Variants in HNRNPUL2 observed in about 807,000 individuals in gnomAD.
HNRNPUL2 encodes heterogeneous nuclear ribonucleoprotein U like 2, also known as heterogeneous nuclear ribonucleoprotein U-like protein 2.
A neutral mutation model predicts 102.2 loss-of-function variants in HNRNPUL2; 27 were observed. The observed-to-expected ratio is 0.26, with a 90% CI of 0.19 to 0.36. The LOEUF is 0.36. HNRNPUL2 is among the 10% of genes least tolerant of loss of function. The pLI is 1.00. For missense variants in HNRNPUL2, 936 were observed against 981.1 expected, an observed-to-expected ratio of 0.95 and a Z score of 0.61; for synonymous variants, 458 against 387.2, an observed-to-expected ratio of 1.18 and a Z score of -2.15.
rs760963379 is a variant in HNRNPUL2 at position 62,715,957 on chromosome 11, C to T, written c.1982-20G>A. On this transcript the variant is annotated intron_variant, in intron 11 of 13. Transcript: ENST00000301785. Reference sequence around the variant, plus strand: ...CGCCCACTGGAAGAGAAATGGAGAGCGCGCTCAGACAGCTGGCATGGGGTC... The same window carrying T: ...CGCCCACTGGAAGAGAAATGGAGAGTGCGCTCAGACAGCTGGCATGGGGTC... The T allele has an allele frequency of 1.7e-5, 26 of 1,563,944 alleles. No homozygotes were observed. The highest frequency in any genetic ancestry group is 1.6e-4 in the East Asian group (7 of 44,034).
chr11:62,720,546 CAAAAAAAAAAAAAAAAAAA>C (rs148876571), intron 9 of HNRNPUL2, among the ~76,000 whole-genome samples: 105,315 of 135,730 alleles, frequency 0.78, 39,213 homozygotes, highest in Admixed American at 0.85. Context: ...GATTCCATCT[CAAAAAAAAAAAAAAAAAAA>C]AAAAAAAAAG....
At chr11:62,720,964 T>C (rs1451398302) in intron 9 of HNRNPUL2, among the ~76,000 whole-genome samples, 1 of 151,328 alleles carries the variant, frequency 6.6e-6, no homozygotes, top group South Asian at 2.1e-4. Context: ...TCAAACTACA[T>C]GACAGGTATT....
At chr11:62,715,690 CAT>C in intron 12 of HNRNPUL2, 83 bp from the exon 13 acceptor site, 2 of 1,140,838 alleles carry the variant, frequency 1.8e-6, no homozygotes, top group South Asian at 1.2e-5. Flanking sequence ...AAATGCGACA[CAT>C]CTTAGCTCGA....
Position 62,722,664 on chromosome 11 carries a change from T to C in HNRNPUL2, c.1032A>G (p.Glu344=). The part of the protein sequence containing the change: ...YGFDGRGLKA[E]NGQFEEFGQT... Reference sequence around the variant, plus strand: ...GGCCAAATTCCTCAAATTGTCCATTTTCTGCCTTGAGTCCTCGTCCATCGA... The same window carrying C: ...GGCCAAATTCCTCAAATTGTCCATTCTCTGCCTTGAGTCCTCGTCCATCGA... The change falls in exon 6 of 14, where the codon GAA becomes GAG. Residue 344 remains glutamate (E), a synonymous_variant. Transcript: ENST00000301785. 3.7e-6 allele frequency: 6 copies of C among 1,614,204 alleles called. No homozygotes were observed. Among genetic ancestry groups the C allele is most frequent in the Non-Finnish European group, 5.1e-6 (6 of 1,180,034 alleles).
Position 62,722,700 on chromosome 11 carries a change from G to C in HNRNPUL2, c.996C>G (p.Phe332Leu). 2 of 1,613,896 alleles carry C rather than the reference G, an allele frequency of 1.2e-6. No individual in the cohort carries two copies. The highest frequency in any genetic ancestry group is 1.1e-5 in the South Asian group (1 of 91,082). The change falls in exon 6 of 14, where the codon TTC becomes TTG. Residue 332 changes from phenylalanine (F) to leucine (L), a missense_variant. Phe to Leu is a conservative substitution (Grantham distance 22). Transcript: ENST00000301785. ...GTCCTCGTCCATCGAAACCGTAAGA[G>C]AATTCATCTTCACCTAGAACAGTCA... ...FSRPQLGEDE[F>L]SYGFDGRGLK...
chr11:62,724,284 C>G lies in HNRNPUL2; in HGVS notation c.674+7G>C, dbSNP rs377485655. ...CTCCCTTCAACGAAAGGGACTGTTT[C>G]CCTCACCGGCTGTGGTAAGCCTCCT... On this transcript the variant is annotated splice_region_variant and intron_variant, in intron 2 of 13. Coordinates refer to ENST00000301785, the MANE Select transcript of HNRNPUL2 (RefSeq NM_001079559.3). The G allele has an allele frequency of 5.0e-6, 8 of 1,613,984 alleles. No individual in the cohort carries two copies. The African/African-American group carries it at 8.0e-5, about 16-fold the overall frequency.
chr11:62,716,962 G>A lies in HNRNPUL2; in HGVS notation c.1981+27C>T, dbSNP rs779840819. 3.7e-6 allele frequency: 6 copies of A among 1,610,726 alleles called. No individual in the cohort carries two copies. In the East Asian group the frequency reaches 1.3e-4, roughly 36 times the overall value. ...TAAGCACAAAGAATGGACTGAAGTA[G>A]GGGGCTGGCAGGTCCCCAAGACTCA... On this transcript the variant is annotated intron_variant, in intron 11 of 13. Transcript: ENST00000301785.
At chr11:62,726,524 G>T in intron 1 of HNRNPUL2, 95 bp downstream of exon 1, 1 of 1,272,486 alleles carries the variant, frequency 7.9e-7, no homozygotes, top group Non-Finnish European at 1.0e-6. Flanking sequence ...TGAGGCAAGC[G>T]AGAACAAGGA....
chr11:62,721,790 G>A (rs555753077), intron 8 of HNRNPUL2, 30 bp downstream of exon 8: 1 of 1,611,374 alleles, frequency 6.2e-7, no homozygotes, highest in South Asian at 1.1e-5. Context: ...TCCAAATACT[G>A]TATCCGACAA....
At position 62,721,316 on chromosome 11, in the gene HNRNPUL2, C is replaced by G; in HGVS notation, c.1590G>C (p.Lys530Asn). 1 of 1,607,756 alleles carries G rather than the reference C, an allele frequency of 6.2e-7. No homozygotes were observed. Among genetic ancestry groups the G allele is most frequent in the Non-Finnish European group, 8.5e-7 (1 of 1,178,164 alleles). Residue 530 changes from lysine (K) to asparagine (N), a missense_variant, in exon 9 of 14, where the codon AAG becomes AAC. This residue lies in a region of HNRNPUL2 where 609 missense variants were observed against 713.0 expected (regional missense o/e 0.85). Transcript: ENST00000301785. ...ATACCTGATCAAGAATAAAGTTCCT[C>G]TTTGTCCGGGAAGCAATCTGGACCA... ...SKLVQIASRT[K>N]RNFILDQCNV...
At chr11:62,715,744 A>G in intron 12 of HNRNPUL2, 120 bp downstream of exon 12, 3 of 1,148,602 alleles carry the variant, frequency 2.6e-6, no homozygotes, top group Non-Finnish European at 2.6e-6. Flanking sequence ...AATCTTCCAG[A>G]ACATATTAAA....
intron 9 of HNRNPUL2, among the ~76,000 whole-genome samples, chr11:62,720,701 A>G (rs546152301): frequency 2.2e-4 from 33 of 152,020 alleles, no homozygotes; most frequent in Non-Finnish European, 4.4e-5. Flanking sequence ...TGTCTCTACT[A>G]AAAATACAAA....
In HNRNPUL2 at chr11:62,726,707, G is replaced by T; in HGVS notation, c.450C>A (p.Gly150=). The change falls in exon 1 of 14, where the codon GGC becomes GGA. Residue 150 remains glycine, a synonymous_variant. Transcript: ENST00000301785. The part of the protein sequence containing the change: ...GVNGGEEQGL[G]KREEDEPEER... ...CCTCGGGTTCGTCTTCCTCCCTCTTGCCGAGGCCCTGCTCTTCGCCACCAT... is the reference window on the plus strand; with the variant it reads ...CCTCGGGTTCGTCTTCCTCCCTCTTTCCGAGGCCCTGCTCTTCGCCACCAT... 1 of 1,600,468 alleles carries T rather than the reference G, an allele frequency of 6.2e-7. No homozygotes were observed. The highest frequency in any genetic ancestry group is 8.5e-7 in the Non-Finnish European group (1 of 1,179,508).
chr11:62,715,278 C>A lies in HNRNPUL2; in HGVS notation c.*21G>T. Reference sequence around the variant, plus strand: ...CCCAGAGATTCAGCTTCATGGCTGACAGGTGACCATGGCAGGGGCTTCACC... The same window carrying A: ...CCCAGAGATTCAGCTTCATGGCTGAAAGGTGACCATGGCAGGGGCTTCACC... On this transcript the variant is annotated 3_prime_UTR_variant, in exon 14 of 14. Transcript: ENST00000301785. 6.3e-7 allele frequency: 1 copy of A among 1,597,574 alleles called. No homozygotes were observed. The highest frequency in any genetic ancestry group is 8.6e-7 in the Non-Finnish European group (1 of 1,168,328).
At chr11:62,717,228 G>A in intron 10 of HNRNPUL2, 39 bp from the exon 11 acceptor site, 1 of 1,483,482 alleles carries the variant, frequency 6.7e-7, no homozygotes, top group African/African-American at 1.4e-5. Context: ...CCTGAAAAGT[G>A]CATAGATGGG....
intron 10 of HNRNPUL2, 114 bp from the exon 11 acceptor site, chr11:62,717,303 C>A: frequency 1.4e-6 from 1 of 735,872 alleles, no homozygotes; most frequent in Non-Finnish European, 2.2e-6. Flanking sequence ...TATTACTGCA[C>A]AAAAATGTGC....
chr11:62,720,153 C>T lies in HNRNPUL2; in HGVS notation c.1650G>A (p.Leu550=), dbSNP rs368453500. ...CTTTCCGAGAGAAGGTCTTGAACAG[C>T]AATAGCTTCCGCCGTTGGCCAGAAT... ...VYNSGQRRKL[L]LFKTFSRKVV... is the part of the protein sequence containing the mutation. Residue 550 remains leucine, a synonymous_variant, in exon 10 of 14, where the codon TTG becomes TTA. Coordinates refer to ENST00000301785, the MANE Select transcript of HNRNPUL2 (RefSeq NM_001079559.3). 29 of 1,614,012 alleles carry T rather than the reference C, an allele frequency of 1.8e-5. No individual in the cohort carries two copies. The highest frequency in any genetic ancestry group is 2.5e-5 in the Non-Finnish European group (29 of 1,179,984).
At position 62,713,081 on chromosome 11, in the gene HNRNPUL2, C is replaced by G. The variant is rs2134762645; in HGVS notation, c.*2218G>C. ...TGTGGCAGTTTCACTTTCCACCCAC[C>G]TAGAAAAACAGTTTTGTAAAAAAGA... On this transcript the variant is annotated 3_prime_UTR_variant, in exon 14 of 14. Coordinates refer to ENST00000301785, the MANE Select transcript of HNRNPUL2 (RefSeq NM_001079559.3). The G allele has an allele frequency of 6.6e-6, 1 of 152,288 alleles. No homozygotes were observed. The highest frequency in any genetic ancestry group is 1.5e-5 in the Non-Finnish European group (1 of 68,030). The allele number at this position is 152,288 out of a possible 1,614,324, so 9.4% of individuals were successfully genotyped here.
Position 62,721,357 on chromosome 11 carries a change from G to A in HNRNPUL2, c.1549C>T (p.Gln517Ter), listed in dbSNP as rs1292293389. 1 of 1,610,888 alleles carries A rather than the reference G, an allele frequency of 6.2e-7. No homozygotes were observed. Among genetic ancestry groups the A allele is most frequent in the Non-Finnish European group, 8.5e-7 (1 of 1,178,892 alleles). Reference sequence around the variant, plus strand: ...ATCTGGACCAGCTTACTAAGGCACTGGGAGGCTTGCTGAACTAAAAGGTCT... The same window carrying A: ...ATCTGGACCAGCTTACTAAGGCACTAGGAGGCTTGCTGAACTAAAAGGTCT... Reference protein sequence around the residue: ...SRDLLVQQASQCLSKLVQIAS... With the variant: ...SRDLLVQQAS The change falls in exon 9 of 14, where the codon CAG (glutamine) becomes TAG (stop). Residue 517 changes from glutamine to a stop codon, truncating the protein, a stop_gained. Transcript: ENST00000301785. LOFTEE classifies it high-confidence loss of function.
Sources: allele counts gnomAD v4.1 joint callset (sites outside exome capture counted in the v4.1 genomes callset), GRCh38; gene constraint gnomAD v4.1.1; regional missense constraint gnomAD v4.1.1; transcripts MANE v1.5; gene names NCBI Gene and HGNC (gene_info 2026-07-23, HGNC 2026-07-21).